Variants in PLEKHM3 observed in about 807,000 individuals in gnomAD.
The protein encoded by PLEKHM3 is pleckstrin homology domain containing M3, also known as pleckstrin homology domain-containing family M member 3.
In PLEKHM3, 45 loss-of-function variants were observed where a neutral mutation model predicts 81.8. The ratio of observed to expected loss-of-function variants is 0.55; its 90% CI spans 0.43 to 0.71. The LOEUF (loss-of-function observed/expected upper bound fraction) is 0.71. PLEKHM3 is among the 30% of genes least tolerant of loss of function. PLEKHM3 has a pLI of 0.00. For missense variants in PLEKHM3, 788 were observed against 924.3 expected, an observed-to-expected ratio of 0.85 and a Z score of 1.91; for synonymous variants, 352 against 356.4, an observed-to-expected ratio of 0.99 and a Z score of 0.14.
In PLEKHM3 at chr2:207,827,697, G is replaced by C. The variant is rs1055641474; in HGVS notation, c.*622C>G. 2.0e-5 allele frequency: 3 copies of C among 152,170 alleles called. No homozygotes were observed. Among genetic ancestry groups the C allele is most frequent in the Non-Finnish European group, 2.9e-5 (2 of 68,034 alleles). 9.4% of individuals were successfully genotyped at this position (152,170 alleles called of 1,614,324 possible). ...CATAAATGAGGGGTGTATGCTTTCT[G>C]TCAGAGGGGGCTTGGCTCCTGTTTC... On this transcript the variant is annotated 3_prime_UTR_variant, in exon 8 of 8. Coordinates refer to ENST00000427836, the MANE Select transcript of PLEKHM3 (RefSeq NM_001080475.3).
intron 3 of PLEKHM3, among the ~76,000 whole-genome samples, chr2:207,965,157 G>A (rs1457970562): frequency 6.6e-6 from 1 of 152,094 alleles, no homozygotes; most frequent in Non-Finnish European, 1.5e-5. Context: ...ATCTTAACCT[G>A]CCCAAGTTTA....
At chr2:207,934,997 C>T (rs1237669020) in intron 4 of PLEKHM3, among the ~76,000 whole-genome samples, 2 of 151,906 alleles carry the variant, frequency 1.3e-5, no homozygotes, top group Admixed American at 1.3e-4. Context: ...AATTTGGAGA[C>T]GACATGGTAT....
chr2:208,015,364 C>T (rs1252058953), intron 1 of PLEKHM3, among the ~76,000 whole-genome samples: 3 of 152,136 alleles, frequency 2.0e-5, no homozygotes, highest in Non-Finnish European at 4.4e-5. Context: ...TAGTGTCAAA[C>T]ACCAGCAACT....
intron 6 of PLEKHM3, chr2:207,900,168 T>TA (rs1688371148): frequency 6.6e-6 from 1 of 152,186 alleles, no homozygotes; most frequent in Admixed American, 6.6e-5. Context: ...CTAGCCTAGG[T>TA]GAGAAGACTT....
chr2:207,855,944 A>G (rs2092435393), intron 7 of PLEKHM3, among the ~76,000 whole-genome samples: 1 of 152,202 alleles, frequency 6.6e-6, no homozygotes, highest in South Asian at 2.1e-4. Flanking sequence ...GTTACTAATA[A>G]TATATCAATA....
intron 5 of PLEKHM3, chr2:207,929,948 A>G (rs1024750799): frequency 2.2e-5 from 15 of 695,772 alleles, no homozygotes; most frequent in Non-Finnish European, 3.9e-5. Context: ...TTTCTATTAA[A>G]ACAAAAAAAT....
intron 5 of PLEKHM3, among the ~76,000 whole-genome samples, chr2:207,917,823 G>A (rs1341758817): frequency 6.6e-6 from 1 of 152,088 alleles, no homozygotes; most frequent in African/African-American, 2.4e-5. Context: ...GAGCAACAGT[G>A]ATACCTTGTC....
At chr2:207,852,097 G>C (rs2092415995) in intron 7 of PLEKHM3, among the ~76,000 whole-genome samples, 1 of 152,180 alleles carries the variant, frequency 6.6e-6, no homozygotes, top group South Asian at 2.1e-4. Context: ...AGCAGTTTTG[G>C]AGAAGACTTA....
intron 6 of PLEKHM3, among the ~76,000 whole-genome samples, chr2:207,878,438 G>A (rs1424450871): frequency 9.9e-5 from 15 of 152,180 alleles, no homozygotes; most frequent in African/African-American, 3.6e-4. Flanking sequence ...GAGAAATCCC[G>A]TCTCTACTAA....
intron 1 of PLEKHM3, among the ~76,000 whole-genome samples, chr2:208,006,722 A>G (rs1264225374): frequency 2.6e-5 from 4 of 152,338 alleles, no homozygotes; most frequent in African/African-American, 9.6e-5. Flanking sequence ...GCAACGAACT[A>G]TTTATAATAC....
At chr2:207,876,521 T>C (rs1286278068) in intron 6 of PLEKHM3, among the ~76,000 whole-genome samples, 1 of 152,210 alleles carries the variant, frequency 6.6e-6, no homozygotes, top group South Asian at 2.1e-4. Context: ...CCCATGAGAC[T>C]TGTCTGCCTA....
intron 2 of PLEKHM3, among the ~76,000 whole-genome samples, chr2:207,998,509 T>C (rs1487094636): frequency 6.6e-6 from 1 of 152,112 alleles, no homozygotes; most frequent in Non-Finnish European, 1.5e-5. Context: ...TGAGACCCTG[T>C]TGGAAAAAAA....
chr2:207,969,081 CCT>C (rs1691023416), intron 3 of PLEKHM3, among the ~76,000 whole-genome samples: 1 of 152,190 alleles, frequency 6.6e-6, no homozygotes, highest in Admixed American at 6.5e-5. Flanking sequence ...CTTATTTCCA[CCT>C]CTCAGTTCCT....
intron 1 of PLEKHM3, among the ~76,000 whole-genome samples, chr2:208,016,960 A>G (rs1009105868): frequency 6.6e-6 from 1 of 152,164 alleles, no homozygotes; most frequent in Non-Finnish European, 1.5e-5. Flanking sequence ...AAATTATGCA[A>G]TATTTGCATA....
At chr2:207,998,629 ATAATT>A (rs1342191581) in intron 2 of PLEKHM3, among the ~76,000 whole-genome samples, 1 of 152,244 alleles carries the variant, frequency 6.6e-6, no homozygotes, top group Non-Finnish European at 1.5e-5. Context: ...ATATTTCAAC[ATAATT>A]TAATATCAAA....
intron 6 of PLEKHM3, among the ~76,000 whole-genome samples, chr2:207,865,801 A>AAAAAAAATATATATATAT: frequency 7.9e-5 from 2 of 25,286 alleles, no homozygotes; most frequent in African/African-American, 4.2e-4. Context: ...AAAAAAAAAA[A>AAAAAAAATATATATATAT]AGATATATAT....
At chr2:207,980,123 T>C (rs952388804) in intron 2 of PLEKHM3, among the ~76,000 whole-genome samples, 1 of 152,176 alleles carries the variant, frequency 6.6e-6, no homozygotes, top group Admixed American at 6.6e-5. Context: ...CCATCCCTAC[T>C]GTGACCCAAA....
In PLEKHM3 at chr2:207,976,120, T is replaced by G. The variant is rs999030987; in HGVS notation, c.1546+531A>C. 6.6e-6 allele frequency among the ~76,000 whole-genome samples: 1 copy of G among 152,234 alleles called. No homozygotes were observed. The highest frequency in any genetic ancestry group is 1.5e-5 in the Non-Finnish European group (1 of 68,046). On this transcript the variant is annotated intron_variant, in intron 3 of 7. Coordinates refer to ENST00000427836, the MANE Select transcript of PLEKHM3 (RefSeq NM_001080475.3). The surrounding 1 kb of genome is among the most constrained non-coding windows in gnomAD (Gnocchi z 4.1). ...GGTCATCTGCTGAATCATCATTTAC[T>G]CCGCTTTTAGCCACCCCCACATTTT...
rs1423859649 is a variant in PLEKHM3, at chr2:208,025,505, C to T, written c.-435G>A. 2 of 152,384 alleles carry T rather than the reference C, an allele frequency of 1.3e-5. No homozygotes were observed. The highest frequency in any genetic ancestry group is 1.9e-4 in the East Asian group (1 of 5,196). The allele number at this position is 152,384 out of a possible 1,614,324, so 9.4% of individuals were successfully genotyped here. On this transcript the variant is annotated 5_prime_UTR_variant, in exon 1 of 8. It removes an upstream start codon present in the reference 5' UTR. Coordinates refer to ENST00000427836, the MANE Select transcript of PLEKHM3 (RefSeq NM_001080475.3). ...GGTGACAGCCCGCCCGGGCGCTGACCATCCCGGCCCGGCTCTGTTTACAAG... is the reference window on the plus strand; with the variant it reads ...GGTGACAGCCCGCCCGGGCGCTGACTATCCCGGCCCGGCTCTGTTTACAAG...
Sources: allele counts gnomAD v4.1 joint callset (sites outside exome capture counted in the v4.1 genomes callset), GRCh38; gene constraint gnomAD v4.1.1; non-coding constraint Gnocchi (gnomAD v3.1); transcripts MANE v1.5; gene names NCBI Gene and HGNC (gene_info 2026-07-23, HGNC 2026-07-21).